TBC1D26: variants seen among roughly 807,000 people sequenced by gnomAD.
TBC1D26 encodes TBC1 domain family member 26, also known as TBC1 domain family, member 26.
TBC1D26 carries 19 observed loss-of-function variants against 42.5 expected under a neutral mutation model. The ratio of observed to expected loss-of-function variants is 0.45; its 90% CI spans 0.31 to 0.66. The LOEUF is 0.66. Ranked by LOEUF, TBC1D26 falls within the 30% of genes least tolerant of loss-of-function variation. TBC1D26 has a pLI of 0.06. For missense variants in TBC1D26, 228 were observed against 332.6 expected (o/e 0.69, Z 2.45); for synonymous variants, 97 against 123.5 (o/e 0.79, Z 1.42).
At chr17:15,743,548 C>T in intron 14 of TBC1D26, 32 bp downstream of exon 14, 1 of 939,464 alleles carries the variant, frequency 1.1e-6, no homozygotes, top group Non-Finnish European at 1.3e-6. Context: ...CCTCTGGAGT[C>T]ACCCTCTGGG....
In TBC1D26 at chr17:15,744,673, G is replaced by T. The variant is rs527511907; in HGVS notation, c.*81G>T. On this transcript the variant is annotated 3_prime_UTR_variant, in exon 15 of 15. Transcript: ENST00000437605. ...AAAATGTAGCTTTATTATAACATAG[G>T]AAAGACTGCAAGTTATTACGGGAGG... 6.6e-6 allele frequency: 1 copy of T among 152,278 alleles called. No individual in the cohort carries two copies. The highest frequency in any genetic ancestry group is 1.9e-4 in the East Asian group (1 of 5,186). The allele number at this position is 152,278 out of a possible 1,614,324, so 9.4% of individuals were successfully genotyped here.
chr17:15,742,110 A>C, intron 11 of TBC1D26, 74 bp downstream of exon 11: 2 of 1,307,944 alleles, frequency 1.5e-6, no homozygotes, highest in Non-Finnish European at 2.2e-6. Context: ...CAAGTCCCTC[A>C]TGGGGCTGGC....
chr17:15,740,260 C>T (rs371941102), intron 9 of TBC1D26, 112 bp downstream of exon 9: 15 of 1,612,216 alleles, frequency 9.3e-6, no homozygotes, highest in African/African-American at 6.7e-5. Flanking sequence ...TCCACCAGGA[C>T]GTAGTAGGCA....
intron 11 of TBC1D26, 146 bp downstream of exon 11, chr17:15,742,182 G>A (rs1967806057): frequency 7.0e-6 from 5 of 713,438 alleles, no homozygotes; most frequent in Non-Finnish European, 9.3e-6. Context: ...ATTCAGCGTT[G>A]GGTTTCCTTT....
chr17:15,741,446 A>C, intron 10 of TBC1D26: 25 of 673,578 alleles, frequency 3.7e-5, no homozygotes, highest in East Asian at 6.0e-5. Context: ...CATCCCTAAC[A>C]TCAGAGGGCA....
chr17:15,742,321 T>C, intron 11 of TBC1D26, 93 bp from the exon 12 acceptor site: 1 of 469,002 alleles, frequency 2.1e-6, no homozygotes, highest in Middle Eastern at 6.0e-4. Flanking sequence ...CGCCCTGGGT[T>C]GTGCCATTAA....
At chr17:15,740,506 A>G in intron 9 of TBC1D26, 1 of 1,229,976 alleles carries the variant, frequency 8.1e-7, no homozygotes, top group Non-Finnish European at 1.0e-6. Flanking sequence ...ATCCTGGGGG[A>G]GCCTCTTCTT....
intron 1 of TBC1D26, chr17:15,734,650 G>A (rs1967562247): frequency 6.4e-6 from 1 of 155,850 alleles, no homozygotes; most frequent in African/African-American, 2.4e-5. Flanking sequence ...GTTCCCCCAG[G>A]TGTTCTCTAG....
At chr17:15,743,539 C>T in intron 14 of TBC1D26, 23 bp downstream of exon 14, 1 of 960,900 alleles carries the variant, frequency 1.0e-6, no homozygotes, top group Non-Finnish European at 1.3e-6. Context: ...ACCAGGTACC[C>T]TCTGGAGTCA....
intron 2 of TBC1D26, 53 bp downstream of exon 2, chr17:15,735,123 C>G: frequency 1.7e-6 from 1 of 600,042 alleles, no homozygotes; most frequent in South Asian, 2.0e-5. Flanking sequence ...TGTCCAGGTT[C>G]CCGTGTGCTC....
chr17:15,743,371 C>A lies in TBC1D26; in HGVS notation c.912C>A (p.His304Gln), dbSNP rs1388030674. The part of the protein sequence containing the change: ...VHASFKIHRK[H>Q]LMKLSWSTVW... ...TGATGCCCGCCCTCTCCCTAGAGCA[C>A]CTCATGAAGCTTTCCTGGAGCACTG... The change falls in exon 14 of 15, where the codon CAC becomes CAA. Residue 304 changes from histidine (H) to glutamine (Q), a missense_variant. Physicochemically the swap from His to Gln is conservative, Grantham distance 24 (BLOSUM62 0). Transcript: ENST00000437605. The A allele has an allele frequency of 2.0e-6, 2 of 986,404 alleles. No homozygotes were observed. The highest frequency in any genetic ancestry group is 1.1e-4 in the East Asian group (1 of 8,808). 61.1% of individuals were successfully genotyped at this position (986,404 alleles called of 1,614,324 possible).
rs1264818496 is a variant in TBC1D26, at chr17:15,741,183, A to G, written c.608A>G (p.Glu203Gly). The G allele has an allele frequency of 2.5e-6, 4 of 1,613,592 alleles. No homozygotes were observed. The highest frequency in any genetic ancestry group is 2.2e-5 in the South Asian group (2 of 91,074). The change falls in exon 10 of 15, where the codon GAG (glutamate) becomes GGG (glycine). Residue 203 changes from glutamate to glycine, a missense_variant. Glu to Gly is a moderately conservative substitution (Grantham distance 98). Transcript: ENST00000437605. ...GCCATCCTCCTCCTGTGTCTGCCAG[A>G]GGAAGATGCTTTCTGGGCGCTTACC... ...ITAILLLCLP[E>G]EDAFWALTQL...
intron 5 of TBC1D26, 154 bp downstream of exon 5, chr17:15,737,677 C>T (rs1450933026): frequency 5.3e-6 from 6 of 1,127,556 alleles, no homozygotes; most frequent in Non-Finnish European, 7.5e-6. Flanking sequence ...ACTCTGTTCC[C>T]ATGAGGACTT....
chr17:15,743,569 G>A (rs1218721232), intron 14 of TBC1D26, 53 bp downstream of exon 14: 1 of 810,310 alleles, frequency 1.2e-6, no homozygotes, highest in South Asian at 5.4e-5. Flanking sequence ...GCAGTCAATG[G>A]TGGGGAGTGC....
At chr17:15,739,771 G>A (rs145691264) in intron 8 of TBC1D26, among the ~76,000 whole-genome samples, 894 of 152,302 alleles carry the variant, frequency 5.9e-3, no homozygotes, top group African/African-American at 0.021. Context: ...TGGACGGGAG[G>A]CTCTGCACAT....
chr17:15,738,149 C>T lies in TBC1D26; in HGVS notation c.279+72C>T. The stretch of plus-strand genomic sequence containing the variant: ...AGGAGACAGGCACCCATGGTTGTGA[C>T]CTGGCACCGTCTGCCTCTCAGTGGG... On this transcript the variant is annotated intron_variant, in intron 6 of 14. Transcript: ENST00000437605. The T allele has an allele frequency of 2.5e-6, 4 of 1,612,432 alleles. No individual in the cohort carries two copies. The South Asian group carries it at 3.3e-5, about 13-fold the overall frequency.
intron 9 of TBC1D26, 174 bp from the exon 10 acceptor site, chr17:15,740,945 CCTG>C: frequency 1.3e-6 from 1 of 795,608 alleles, no homozygotes. Flanking sequence ...TTGTGCGTGA[CCTG>C]CTCAGTCCTC....
chr17:15,736,170 G>A (rs1967607434), intron 4 of TBC1D26, among the ~76,000 whole-genome samples: 2 of 152,238 alleles, frequency 1.3e-5, no homozygotes, highest in South Asian at 4.1e-4. Flanking sequence ...TGTGGAAGAA[G>A]GGCAGGGCCC....
intron 12 of TBC1D26, among the ~76,000 whole-genome samples, 178 bp downstream of exon 12, chr17:15,742,657 GC>G (rs1967821911): frequency 6.6e-6 from 1 of 152,230 alleles, no homozygotes; most frequent in Non-Finnish European, 1.5e-5. Flanking sequence ...GCAGACTGGG[GC>G]AGGACCCGAC....
Sources: allele counts gnomAD v4.1 joint callset (sites outside exome capture counted in the v4.1 genomes callset), GRCh38; gene constraint gnomAD v4.1.1; transcripts MANE v1.5; gene names NCBI Gene and HGNC (gene_info 2026-07-23, HGNC 2026-07-21).